SLC24A2: variants seen among roughly 807,000 people sequenced by gnomAD.
SLC24A2 encodes the protein solute carrier family 24 member 2.
In SLC24A2, 36 loss-of-function variants were observed where a neutral mutation model predicts 62.0. The ratio of observed to expected loss-of-function variants is 0.58; its 90% CI spans 0.44 to 0.77. The LOEUF is 0.77. Among genes scored for constraint, SLC24A2 ranks in the 30% least tolerant of loss-of-function variants. The pLI, the probability that SLC24A2 is intolerant of heterozygous loss-of-function variation, is 0.00. For synonymous variants in SLC24A2, 358 were observed against 294.0 expected, an observed-to-expected ratio of 1.22 and a Z score of -2.23; for missense variants, 846 against 817.9, an observed-to-expected ratio of 1.03 and a Z score of -0.42.
Position 19,519,457 on chromosome 9 carries a change from T to C in SLC24A2, c.1736+1437A>G, listed in dbSNP as rs189544277. On this transcript the variant is annotated intron_variant, in intron 10 of 10. Coordinates refer to ENST00000341998, the MANE Select transcript of SLC24A2 (RefSeq NM_020344.4). ...ACTATAGAGCATTACTATTATTTTT[T>C]ACAAGAGATTGACCAAGAACTCTAC... Among the ~76,000 whole-genome samples, 150 of 152,274 alleles carry C rather than the reference T, an allele frequency of 9.9e-4. 1 individual carries two copies. Among genetic ancestry groups the C allele is most frequent in the African/African-American group, 3.3e-3 (139 of 41,550 alleles).
At chr9:19,578,023 T>C (rs1433213442) in intron 5 of SLC24A2, among the ~76,000 whole-genome samples, 1 of 151,222 alleles carries the variant, frequency 6.6e-6, no homozygotes, top group African/African-American at 2.4e-5. Context: ...CACTGATACA[T>C]GGGAGCTAAG....
At chr9:20,294,005 C>T in the SLC24A2 span, among the ~76,000 whole-genome samples, 8 of 152,118 alleles carry the variant, frequency 5.3e-5, no homozygotes, top group African/African-American at 1.9e-4. Flanking sequence ...CCCATCTTTA[C>T]CCTGACAAGG....
the SLC24A2 span, among the ~76,000 whole-genome samples, chr9:19,981,484 C>G: frequency 2.0e-5 from 3 of 152,156 alleles, no homozygotes; most frequent in Non-Finnish European, 4.4e-5. Flanking sequence ...AATATTTGCT[C>G]TAGCATTTTT....
chr9:20,065,902 G>T, the SLC24A2 span, among the ~76,000 whole-genome samples: 1 of 152,102 alleles, frequency 6.6e-6, no homozygotes, highest in Admixed American at 6.6e-5. Flanking sequence ...GTCCTCCCGG[G>T]AATTCTTTTC....
At chr9:19,821,424 T>C in the SLC24A2 span, among the ~76,000 whole-genome samples, 7 of 152,262 alleles carry the variant, frequency 4.6e-5, no homozygotes, top group East Asian at 1.4e-3. Flanking sequence ...CACCTGGATT[T>C]GGAAGTACTC....
At chr9:19,694,745 C>T (rs1027385630) in intron 2 of SLC24A2, among the ~76,000 whole-genome samples, 1 of 152,074 alleles carries the variant, frequency 6.6e-6, no homozygotes, top group African/African-American at 2.4e-5. Flanking sequence ...CCTTGTTTCC[C>T]ACAGCATTCA....
chr9:19,538,377 C>T (rs1280286630), intron 8 of SLC24A2, among the ~76,000 whole-genome samples: 3 of 134,740 alleles, frequency 2.2e-5, no homozygotes, highest in Admixed American at 1.5e-4. Context: ...AAATACGTCC[C>T]ATCAATACCT....
At chr9:19,701,090 T>A (rs890026459) in intron 2 of SLC24A2, among the ~76,000 whole-genome samples, 4 of 152,212 alleles carry the variant, frequency 2.6e-5, no homozygotes, top group Non-Finnish European at 4.4e-5. Flanking sequence ...TGTATAAGAA[T>A]CTTTTCTTGT....
intron 2 of SLC24A2, among the ~76,000 whole-genome samples, chr9:19,720,376 A>G (rs975676140): frequency 2.6e-5 from 4 of 152,170 alleles, no homozygotes; most frequent in African/African-American, 9.7e-5. Context: ...CTTAGAATCT[A>G]CAATAGTTTA....
At chr9:20,108,087 C>A in the SLC24A2 span, among the ~76,000 whole-genome samples, 1 of 152,158 alleles carries the variant, frequency 6.6e-6, no homozygotes, top group East Asian at 1.9e-4. Flanking sequence ...AGCCAAAAAA[C>A]ACATGAAAAA....
chr9:20,291,570 T>C, the SLC24A2 span, among the ~76,000 whole-genome samples: 1 of 152,164 alleles, frequency 6.6e-6, no homozygotes, highest in East Asian at 1.9e-4. Flanking sequence ...TGACTCCCTC[T>C]CCATGTGTCT....
intron 2 of SLC24A2, among the ~76,000 whole-genome samples, chr9:19,713,517 T>G (rs367940098): frequency 1.3e-5 from 2 of 152,228 alleles, no homozygotes; most frequent in African/African-American, 2.4e-5. Context: ...AGACCTAAAA[T>G]TGCGGTCATT....
chr9:19,759,907 T>A (rs766246905), intron 2 of SLC24A2, among the ~76,000 whole-genome samples: 8 of 152,208 alleles, frequency 5.3e-5, no homozygotes, highest in Non-Finnish European at 1.0e-4. Flanking sequence ...TAAAAAATAA[T>A]GTGGCCTTTT....
the SLC24A2 span, among the ~76,000 whole-genome samples, chr9:19,981,171 T>A: frequency 6.6e-6 from 1 of 152,200 alleles, no homozygotes; most frequent in Non-Finnish European, 1.5e-5. Flanking sequence ...CTTTAAAAGC[T>A]TTAGAAAAAT....
At chr9:20,200,559 G>A in the SLC24A2 span, among the ~76,000 whole-genome samples, 2 of 152,232 alleles carry the variant, frequency 1.3e-5, no homozygotes, top group Admixed American at 1.3e-4. Flanking sequence ...TAGAAATAGA[G>A]AAAGCAGTCA....
chr9:19,701,305 T>A (rs1431060300), intron 2 of SLC24A2, among the ~76,000 whole-genome samples: 1 of 152,142 alleles, frequency 6.6e-6, no homozygotes, highest in African/African-American at 2.4e-5. Context: ...TTTTCCAGAG[T>A]CTTAGCACTT....
chr9:19,552,972 A>C (rs754691241), intron 7 of SLC24A2, among the ~76,000 whole-genome samples: 2 of 152,214 alleles, frequency 1.3e-5, no homozygotes, highest in Non-Finnish European at 2.9e-5. Flanking sequence ...GAAATGGACT[A>C]GGAGAAGAGA....
At chr9:20,132,466 T>A in the SLC24A2 span, among the ~76,000 whole-genome samples, 1 of 152,050 alleles carries the variant, frequency 6.6e-6, no homozygotes, top group African/African-American at 2.4e-5. Context: ...GTTTTTGGGG[T>A]TTTTTGGGGC....
chr9:20,073,796 T>G, the SLC24A2 span, among the ~76,000 whole-genome samples: 1 of 151,738 alleles, frequency 6.6e-6, no homozygotes, highest in Non-Finnish European at 1.5e-5. Context: ...TGCATATATG[T>G]ATACATTGTG....
Sources: allele counts gnomAD v4.1 joint callset (sites outside exome capture counted in the v4.1 genomes callset), GRCh38; gene constraint gnomAD v4.1.1; transcripts MANE v1.5; gene names NCBI Gene and HGNC (gene_info 2026-07-23, HGNC 2026-07-21).